Variants in ASPHD1 observed in about 807,000 individuals in gnomAD.
The protein encoded by ASPHD1 is aspartate beta-hydroxylase domain containing 1, also known as aspartate beta-hydroxylase domain-containing protein 1.
Under a neutral mutation model 28.3 loss-of-function variants are expected in ASPHD1, and 20 were observed. The ratio of observed to expected loss-of-function variants is 0.71; its 90% CI spans 0.50 to 1.03. The LOEUF (loss-of-function observed/expected upper bound fraction) is 1.03. ASPHD1 is among the 50% of genes least tolerant of loss of function. The pLI, the probability that ASPHD1 is intolerant of heterozygous loss-of-function variation, is 0.00. For missense variants in ASPHD1, 479 were observed against 524.1 expected (o/e 0.91, Z 0.84); for synonymous variants, 240 against 221.2 (o/e 1.08, Z -0.75).
At chr16:29,918,649 T>A (rs576351859) in intron 3 of ASPHD1, among the ~76,000 whole-genome samples, 108 of 151,792 alleles carry the variant, frequency 7.1e-4, no homozygotes, top group Admixed American at 2.2e-3. Context: ...TTTTGTAATT[T>A]TTTATTTATT....
At chr16:29,907,621 T>C (rs2068636001), downstream of ASPHD1, among the ~76,000 whole-genome samples, 1 of 151,672 alleles carries the variant, frequency 6.6e-6, no homozygotes, top group Non-Finnish European at 1.5e-5. Flanking sequence ...ACCCCATCTC[T>C]ACCAAAAATA....
At chr16:29,912,237 A>G (rs906441491) in intron 3 of ASPHD1, 3 of 618,034 alleles carry the variant, frequency 4.9e-6, no homozygotes, top group Non-Finnish European at 8.5e-6. Context: ...TCCCACGGAC[A>G]CCTTGCTGCT....
intron 1 of ASPHD1, among the ~76,000 whole-genome samples, chr16:29,902,547 G>A (rs1430080310): frequency 2.6e-5 from 4 of 152,032 alleles, no homozygotes; most frequent in Non-Finnish European, 5.9e-5. Flanking sequence ...TCGCTCTGTC[G>A]CCCAGGCGAG....
intron 1 of ASPHD1, among the ~76,000 whole-genome samples, chr16:29,904,492 C>T (rs1232444830): frequency 6.6e-6 from 1 of 151,644 alleles, no homozygotes; most frequent in East Asian, 1.9e-4. Flanking sequence ...TAGCACATGC[C>T]TGTAATCCCA....
chr16:29,905,977 T>G lies in ASPHD1; in HGVS notation c.*80T>G. 1 of 770,818 alleles carries G rather than the reference T, an allele frequency of 1.3e-6. No homozygotes were observed. Among genetic ancestry groups the G allele is most frequent in the South Asian group, 1.6e-5 (1 of 64,272 alleles). The allele number at this position is 770,818 out of a possible 1,614,324, so 47.7% of individuals were successfully genotyped here. ...GCTTGATGGTAGCCAGGACCTCCTC[T>G]CTACTGCGGGGGTGGGCGGGGGCGG... On this transcript the variant is annotated 3_prime_UTR_variant, in exon 3 of 3. Coordinates refer to ENST00000308748, the MANE Select transcript of ASPHD1 (RefSeq NM_181718.4).
chr16:29,911,043 C>T (rs895675735), downstream of ASPHD1: 4 of 1,614,164 alleles, frequency 2.5e-6, no homozygotes, highest in Non-Finnish European at 3.4e-6. Flanking sequence ...ATTTTGCGGC[C>T]CTGCCCGTAG....
Position 29,901,659 on chromosome 16 carries a change from GACTT to G in ASPHD1, c.689_692del (p.Asp230AlafsTer45). Reference sequence around the variant, plus strand: ...GCGGGACTTCGGGGCTGTGAGCTGGGACTTCTCAGGGACTACCCCTCCGCCTCGG... The same window carrying G: ...GCGGGACTTCGGGGCTGTGAGCTGGGCTCAGGGACTACCCCTCCGCCTCGG... On this transcript the variant is annotated frameshift_variant, in exon 1 of 3. Coordinates refer to ENST00000308748, the MANE Select transcript of ASPHD1 (RefSeq NM_181718.4). LOFTEE classifies it high-confidence loss of function. This position sits in a 1 kb window ranked among gnomAD's most constrained non-coding sequence, Gnocchi z 5.1. The G allele has an allele frequency of 1.3e-6, 2 of 1,582,012 alleles. No homozygotes were observed. The highest frequency in any genetic ancestry group is 1.7e-6 in the Non-Finnish European group (2 of 1,170,632).
chr16:29,917,073 A>G (rs1418580755), intron 3 of ASPHD1, among the ~76,000 whole-genome samples: 1 of 152,188 alleles, frequency 6.6e-6, no homozygotes, highest in Non-Finnish European at 1.5e-5. Context: ...TCATTTCTGC[A>G]ATGTCCTATT....
At position 29,901,426 on chromosome 16, in the gene ASPHD1, C is replaced by A; in HGVS notation, c.455C>A (p.Ala152Asp). 6.3e-7 allele frequency: 1 copy of A among 1,597,882 alleles called. No individual in the cohort carries two copies. The highest frequency in any genetic ancestry group is 1.7e-4 in the Middle Eastern group (1 of 5,936). ...GGCCTAGTGAGCCGGCGGCTTCGGG[C>A]CTACGCAAGGCGCTACTCCTGGGCT... ...TEGLVSRRLR[A>D]YARRYSWAGM... The change falls in exon 1 of 3, where the codon GCC (alanine) becomes GAC (aspartate). Residue 152 changes from alanine to aspartate, a missense_variant. Ala to Asp is a moderately radical substitution (Grantham distance 126). Transcript: ENST00000308748. The surrounding 1 kb of genome is among the most constrained non-coding windows in gnomAD (Gnocchi z 5.1).
chr16:29,908,597 G>A (rs183292224), downstream of ASPHD1, among the ~76,000 whole-genome samples: 1 of 151,880 alleles, frequency 6.6e-6, no homozygotes, highest in Non-Finnish European at 1.5e-5. Context: ...TGTTGTACAG[G>A]CTGGTCTCGA....
At chr16:29,906,439 C>T, downstream of ASPHD1, 1 of 455,964 alleles carries the variant, frequency 2.2e-6, no homozygotes, top group Non-Finnish European at 4.4e-6. Context: ...CCAGGCCAGT[C>T]TAGTACAAAG....
chr16:29,913,517 A>C (rs2068753997), intron 3 of ASPHD1: 1 of 152,180 alleles, frequency 6.6e-6, no homozygotes, highest in African/African-American at 2.4e-5. Flanking sequence ...TTAAATTAAC[A>C]ATATTTATTA....
At chr16:29,919,689 C>CA (rs2068872897), downstream of ASPHD1, 1 of 151,980 alleles carries the variant, frequency 6.6e-6, no homozygotes, top group Non-Finnish European at 1.5e-5. Flanking sequence ...TTAACAACAA[C>CA]AAAAAACAGA....
chr16:29,906,913 C>T (rs371170171), downstream of ASPHD1: 22 of 1,614,104 alleles, frequency 1.4e-5, no homozygotes, highest in Admixed American at 1.5e-4. Flanking sequence ...GGACGCTCGT[C>T]GTGGGTGATA....
chr16:29,900,706 A>G lies in ASPHD1; in HGVS notation c.-266A>G. The G allele has an allele frequency of 1.8e-6, 1 of 552,214 alleles. No individual in the cohort carries two copies. Among genetic ancestry groups the G allele is most frequent in the Non-Finnish European group, 3.2e-6 (1 of 312,072 alleles). The allele number at this position is 552,214 out of a possible 1,614,324, so 34.2% of individuals were successfully genotyped here. A position where few individuals can be genotyped will look rare whatever the true frequency, so the allele number is the denominator to read the frequency against. On this transcript the variant is annotated 5_prime_UTR_variant, in exon 1 of 3. Coordinates refer to ENST00000308748, the MANE Select transcript of ASPHD1 (RefSeq NM_181718.4). Reference sequence around the variant, plus strand: ...GAAAGAAGCTGCCGCGGAGGAAGACAGGCTGCGGGTTCCCGGGACTGCAGG... The same window carrying G: ...GAAAGAAGCTGCCGCGGAGGAAGACGGGCTGCGGGTTCCCGGGACTGCAGG...
rs760121988 is a variant in ASPHD1, at chr16:29,905,857, A to G, written c.1133A>G (p.Glu378Gly). 6.2e-7 allele frequency: 1 copy of G among 1,613,516 alleles called. No individual in the cohort carries two copies. The highest frequency in any genetic ancestry group is 2.2e-5 in the East Asian group (1 of 44,864). The stretch of plus-strand genomic sequence containing the variant: ...TGGCACCCCAACGTGGCAGGGGCTG[A>G]GCGCCAGGCCCTCGACTTTGTCTTC... ...DLWHPNVAGA[E>G]RQALDFVFAP... Residue 378 changes from glutamate to glycine, a missense_variant, in exon 3 of 3, where the codon GAG (glutamate) becomes GGG (glycine). Coordinates refer to ENST00000308748, the MANE Select transcript of ASPHD1 (RefSeq NM_181718.4).
At chr16:29,908,400 C>A (rs938465173), downstream of ASPHD1, among the ~76,000 whole-genome samples, 4 of 151,632 alleles carry the variant, frequency 2.6e-5, no homozygotes, top group Non-Finnish European at 4.4e-5. Context: ...TTTATTTTTT[C>A]CTGAGACAGA....
chr16:29,916,646 T>C (rs1474872078), intron 3 of ASPHD1, among the ~76,000 whole-genome samples: 1 of 152,170 alleles, frequency 6.6e-6, no homozygotes, highest in Middle Eastern at 3.2e-3. Flanking sequence ...GGAGGACTGC[T>C]TGAGGTCAGG....
downstream of ASPHD1, among the ~76,000 whole-genome samples, chr16:29,909,436 G>A (rs1430852150): frequency 6.6e-6 from 1 of 152,190 alleles, no homozygotes; most frequent in Admixed American, 6.5e-5. Context: ...TGACTGTGGT[G>A]TACCTGAGGC....
Sources: gnomAD v4.1 joint callset for allele counts (sites outside exome capture counted in the v4.1 genomes callset) on GRCh38, gnomAD v4.1.1 for gene constraint, Gnocchi (gnomAD v3.1) non-coding constraint, MANE v1.5 for transcripts, NCBI Gene and HGNC (gene_info 2026-07-23, HGNC 2026-07-21) for gene names.